LRFN5: variants seen among roughly 807,000 people sequenced by gnomAD.
The protein encoded by LRFN5 is leucine rich repeat and fibronectin type III domain containing 5, also known as leucine-rich repeat and fibronectin type-III domain-containing protein 5.
LRFN5 carries 24 observed loss-of-function variants against 45.6 expected under a neutral mutation model. The ratio of observed to expected loss-of-function variants is 0.53; its 90% CI spans 0.38 to 0.74. The LOEUF (loss-of-function observed/expected upper bound fraction) is 0.74. Ranked by LOEUF, LRFN5 falls within the 30% of genes least tolerant of loss-of-function variation. The pLI is 0.00. For synonymous variants in LRFN5, 340 were observed against 313.8 expected (o/e 1.08, Z -0.88); for missense variants, 776 against 861.5 (o/e 0.90, Z 1.24).
At position 41,618,382 on chromosome 14, in the gene LRFN5, C is replaced by T. The variant is rs185381046; in HGVS notation, c.-197+9820C>T. Among the ~76,000 whole-genome samples, 134 of 152,302 alleles carry T rather than the reference C, an allele frequency of 8.8e-4. 3 individuals are homozygous for T. Among genetic ancestry groups the T allele is most frequent in the Admixed American group, 8.5e-3 (130 of 15,302 alleles). ...AGGTGATATGGTATAATTTTCAAGC[C>T]TAATCCTCCAGAGACTATGTAGCTT... On this transcript the variant is annotated intron_variant, in intron 1 of 5. Coordinates refer to ENST00000298119, the MANE Select transcript of LRFN5 (RefSeq NM_152447.5).
intron 5 of LRFN5, among the ~76,000 whole-genome samples, chr14:41,901,710 C>G (rs1891106780): frequency 6.6e-6 from 1 of 151,790 alleles, no homozygotes; most frequent in South Asian, 2.1e-4. Context: ...TGGGAAAACA[C>G]AGGGTTAGGA....
At chr14:41,870,527 C>T (rs548137990) in intron 2 of LRFN5, among the ~76,000 whole-genome samples, 3 of 152,228 alleles carry the variant, frequency 2.0e-5, no homozygotes, top group East Asian at 1.9e-4. Context: ...GGGAACTCCC[C>T]TTTATAAAAC....
chr14:41,720,580 G>A (rs1383684913), intron 1 of LRFN5, among the ~76,000 whole-genome samples: 1 of 151,920 alleles, frequency 6.6e-6, no homozygotes, highest in Non-Finnish European at 1.5e-5. Flanking sequence ...GGTTTGTTGT[G>A]TCTCTGTTTA....
intron 1 of LRFN5, among the ~76,000 whole-genome samples, chr14:41,749,689 G>A (rs1885052638): frequency 6.6e-6 from 1 of 152,102 alleles, no homozygotes. Flanking sequence ...GAGAGGAGAA[G>A]CAAAGATCAC....
chr14:41,725,975 T>C (rs912880404), intron 1 of LRFN5, among the ~76,000 whole-genome samples: 6 of 152,180 alleles, frequency 3.9e-5, no homozygotes, highest in African/African-American at 1.4e-4. Context: ...ATTCATTTGG[T>C]TTAAATTTCT....
intron 2 of LRFN5, among the ~76,000 whole-genome samples, chr14:41,793,978 A>T (rs911845685): frequency 6.6e-6 from 1 of 152,094 alleles, no homozygotes; most frequent in African/African-American, 2.4e-5. Flanking sequence ...GGGAGTTATT[A>T]TAGATTCCTC....
At chr14:41,707,191 T>TA (rs1269851075) in intron 1 of LRFN5, among the ~76,000 whole-genome samples, 1 of 152,204 alleles carries the variant, frequency 6.6e-6, no homozygotes, top group Non-Finnish European at 1.5e-5. Flanking sequence ...AATTTTATCT[T>TA]ACTAAGGTGG....
chr14:41,894,619 C>G lies in LRFN5; in HGVS notation c.2098+2657C>G, dbSNP rs17112380. ...TAAACATATGAAGAAATTTTTGCTT[C>G]AAGTAATTGCAGTGTGAAGTGACTG... On this transcript the variant is annotated intron_variant, in intron 4 of 5. Coordinates refer to ENST00000298119, the MANE Select transcript of LRFN5 (RefSeq NM_152447.5). 457 of 982,716 alleles carry G rather than the reference C, an allele frequency of 4.7e-4. 3 individuals carry two copies. In the African/African-American group the frequency reaches 7.2e-3, roughly 16 times the overall value. 60.9% of individuals were successfully genotyped at this position (982,716 alleles called of 1,614,324 possible).
At chr14:41,767,682 A>C (rs1220542406) in intron 2 of LRFN5, among the ~76,000 whole-genome samples, 1 of 152,234 alleles carries the variant, frequency 6.6e-6, no homozygotes, top group Non-Finnish European at 1.5e-5. Flanking sequence ...GATCTGTAAA[A>C]TGCATAACAC....
chr14:41,628,695 G>A (rs930144223), intron 1 of LRFN5, among the ~76,000 whole-genome samples: 3 of 152,216 alleles, frequency 2.0e-5, no homozygotes, highest in Non-Finnish European at 4.4e-5. Flanking sequence ...GAGGGAATCA[G>A]ATTCCCAAGC....
chr14:41,818,309 T>C (rs1322625800), intron 2 of LRFN5, among the ~76,000 whole-genome samples: 7 of 152,064 alleles, frequency 4.6e-5, no homozygotes, highest in Non-Finnish European at 1.0e-4. Context: ...GTTTGCTTTT[T>C]ATATATATTT....
chr14:41,806,526 C>T (rs975833072), intron 2 of LRFN5, among the ~76,000 whole-genome samples: 1 of 152,110 alleles, frequency 6.6e-6, no homozygotes, highest in African/African-American at 2.4e-5. Flanking sequence ...AAAAGCTTTG[C>T]TGTGATTACG....
At chr14:41,674,333 C>T (rs1458979971) in intron 1 of LRFN5, among the ~76,000 whole-genome samples, 2 of 126,538 alleles carry the variant, frequency 1.6e-5, no homozygotes, top group East Asian at 2.5e-4. Context: ...GGGGGGCCGA[C>T]CCCCCCACCT....
chr14:41,867,284 G>A (rs555040093), intron 2 of LRFN5, among the ~76,000 whole-genome samples: 46 of 152,076 alleles, frequency 3.0e-4, no homozygotes, highest in Admixed American at 1.4e-3. Flanking sequence ...ATATTTTAAA[G>A]GTATTATAAT....
rs192895493 is a variant in LRFN5, at chr14:41,744,188, C to G, written c.-196-22666C>G. Among the ~76,000 whole-genome samples, 25 of 152,040 alleles carry G rather than the reference C, an allele frequency of 1.6e-4. No individual in the cohort carries two copies. The East Asian group carries it at 4.9e-3, about 30-fold the overall frequency. ...AGGCAACATGGCAAAAATCTCATCT[C>G]TAGAAAAAATACAAAATTTAACCAA... On this transcript the variant is annotated intron_variant, in intron 1 of 5. Coordinates refer to ENST00000298119, the MANE Select transcript of LRFN5 (RefSeq NM_152447.5).
intron 4 of LRFN5, chr14:41,892,996 TA>T: frequency 1.0e-6 from 1 of 984,916 alleles, no homozygotes; most frequent in Non-Finnish European, 1.2e-6. Flanking sequence ...AAGTAAAATT[TA>T]AAAACTTCTA....
intron 2 of LRFN5, among the ~76,000 whole-genome samples, chr14:41,782,226 T>A (rs915026136): frequency 4.6e-5 from 7 of 151,956 alleles, no homozygotes; most frequent in Non-Finnish European, 7.4e-5. Context: ...TTATTTTTTT[T>A]AAATTCTTTT....
At chr14:41,675,340 T>C (rs1357158280) in intron 1 of LRFN5, among the ~76,000 whole-genome samples, 4 of 152,188 alleles carry the variant, frequency 2.6e-5, no homozygotes, top group African/African-American at 9.7e-5. Context: ...CCAGACTCCG[T>C]CTGCAATCCC....
intron 2 of LRFN5, among the ~76,000 whole-genome samples, chr14:41,841,937 A>G (rs991772961): frequency 6.6e-6 from 1 of 151,970 alleles, no homozygotes; most frequent in African/African-American, 2.4e-5. Flanking sequence ...TTACTCTATT[A>G]TAATTTTCTA....
Sources: allele counts gnomAD v4.1 joint callset (sites outside exome capture counted in the v4.1 genomes callset), GRCh38; gene constraint gnomAD v4.1.1; transcripts MANE v1.5; gene names NCBI Gene and HGNC (gene_info 2026-07-23, HGNC 2026-07-21).